AUTS2: variants seen among roughly 807,000 people sequenced by gnomAD.
The protein encoded by AUTS2 is autism susceptibility gene 2 protein.
In AUTS2, 17 loss-of-function variants were observed where a neutral mutation model predicts 112.4. That is an observed-to-expected ratio of 0.15 (90% CI 0.10 to 0.23). The LOEUF (loss-of-function observed/expected upper bound fraction) is 0.23. Among genes scored for constraint, AUTS2 ranks in the 10% least tolerant of loss-of-function variants. The probability of loss-of-function intolerance (pLI) is 1.00; values close to 1 mark genes in which losing one functional copy is unlikely to be tolerated. For missense variants in AUTS2, 1,510 were observed against 1,701.6 expected (o/e 0.89, Z 1.98); for synonymous variants, 751 against 702.7 (o/e 1.07, Z -1.09).
At chr7:70,670,362 G>T (rs988170605) in intron 5 of AUTS2, among the ~76,000 whole-genome samples, 3 of 152,104 alleles carry the variant, frequency 2.0e-5, no homozygotes, top group Non-Finnish European at 4.4e-5. Context: ...TATTAGCCCC[G>T]ATCCTCATAT....
chr7:69,656,611 C>T (rs1396070441), intron 1 of AUTS2, among the ~76,000 whole-genome samples: 1 of 152,058 alleles, frequency 6.6e-6, no homozygotes, highest in African/African-American at 2.4e-5. Context: ...TGAGATGTAG[C>T]CTTGCTCCTC....
intron 1 of AUTS2, among the ~76,000 whole-genome samples, chr7:69,820,675 C>G (rs1790950314): frequency 6.6e-6 from 1 of 152,168 alleles, no homozygotes; most frequent in Non-Finnish European, 1.5e-5. Context: ...GAGCAGGGAT[C>G]ATCAAGGCAG....
intron 1 of AUTS2, among the ~76,000 whole-genome samples, chr7:69,612,898 A>G (rs188234597): frequency 1.5e-3 from 225 of 152,300 alleles, no homozygotes; most frequent in Middle Eastern, 6.8e-3. Flanking sequence ...CATAGTAGGT[A>G]CTCAGTCATT....
Position 69,722,576 on chromosome 7 carries a change from T to C in AUTS2, c.309+122614T>C, listed in dbSNP as rs562839395. ...GTCTTGAACTCCTGGGCTCGAGTGA[T>C]CCGCCTGCCTTGTCCCCGCAAAGTG... is the stretch of plus-strand genomic sequence containing the variant. On this transcript the variant is annotated intron_variant, in intron 1 of 18. Transcript: ENST00000342771. Among the ~76,000 whole-genome samples, 6 of 152,250 alleles carry C rather than the reference T, an allele frequency of 3.9e-5. No individual in the cohort carries two copies. The South Asian group carries it at 1.2e-3, about 32-fold the overall frequency.
chr7:69,682,024 T>C (rs1796821892), intron 1 of AUTS2, among the ~76,000 whole-genome samples: 1 of 152,234 alleles, frequency 6.6e-6, no homozygotes, highest in African/African-American at 2.4e-5. Flanking sequence ...ATAATACGTT[T>C]GTGAGACTTA....
chr7:69,708,843 G>T (rs1317709258), intron 1 of AUTS2, among the ~76,000 whole-genome samples: 2 of 152,168 alleles, frequency 1.3e-5, no homozygotes, highest in African/African-American at 4.8e-5. Flanking sequence ...GAGAAAATCA[G>T]ATTATCTCTG....
At chr7:70,543,712 G>A (rs942931065) in intron 5 of AUTS2, among the ~76,000 whole-genome samples, 5 of 152,142 alleles carry the variant, frequency 3.3e-5, no homozygotes, top group African/African-American at 9.7e-5. Context: ...GGAGCCATGG[G>A]CCTCCTCCTG....
intron 5 of AUTS2, among the ~76,000 whole-genome samples, chr7:70,575,727 C>G (rs1802136384): frequency 6.6e-6 from 1 of 152,266 alleles, no homozygotes; most frequent in Non-Finnish European, 1.5e-5. Flanking sequence ...CTGTCAGTCC[C>G]ACTTTGGAAG....
At chr7:70,334,344 G>A (rs888054173) in intron 4 of AUTS2, among the ~76,000 whole-genome samples, 3 of 152,134 alleles carry the variant, frequency 2.0e-5, no homozygotes, top group Non-Finnish European at 4.4e-5. Flanking sequence ...ATTTGAGATG[G>A]TCCTGTGGTA....
chr7:70,666,384 G>A (rs1252303293), intron 5 of AUTS2, among the ~76,000 whole-genome samples: 1 of 152,224 alleles, frequency 6.6e-6, no homozygotes, highest in Non-Finnish European at 1.5e-5. Context: ...ATTCAAGGTG[G>A]TGTCCTGGAG....
At chr7:70,379,478 G>C (rs2129632255) in intron 4 of AUTS2, among the ~76,000 whole-genome samples, 1 of 151,608 alleles carries the variant, frequency 6.6e-6, no homozygotes, top group Admixed American at 6.6e-5. Context: ...CTCCACCCTG[G>C]GTGACAGAGC....
chr7:70,131,079 C>G (rs1400679919), intron 3 of AUTS2, among the ~76,000 whole-genome samples: 1 of 152,124 alleles, frequency 6.6e-6, no homozygotes, highest in Non-Finnish European at 1.5e-5. Context: ...ATTCTGTGGC[C>G]TCTTTTGCTA....
At chr7:70,574,283 A>G (rs933869535) in intron 5 of AUTS2, among the ~76,000 whole-genome samples, 3 of 152,194 alleles carry the variant, frequency 2.0e-5, no homozygotes, top group Non-Finnish European at 4.4e-5. Flanking sequence ...GTCTTTTTTA[A>G]AAAAAGCATT....
At chr7:69,970,296 G>T (rs999363889) in intron 2 of AUTS2, among the ~76,000 whole-genome samples, 1 of 152,086 alleles carries the variant, frequency 6.6e-6, no homozygotes, top group African/African-American at 2.4e-5. Flanking sequence ...TGTCCTATAA[G>T]TGATGATTCC....
intron 4 of AUTS2, among the ~76,000 whole-genome samples, chr7:70,306,341 A>G (rs1339942474): frequency 1.3e-5 from 2 of 152,202 alleles, no homozygotes; most frequent in African/African-American, 4.8e-5. Context: ...GGCTGTTTCA[A>G]CAGCTGGGCT....
intron 4 of AUTS2, among the ~76,000 whole-genome samples, chr7:70,286,095 G>A (rs574632250): frequency 6.6e-6 from 1 of 152,342 alleles, no homozygotes; most frequent in South Asian, 2.1e-4. Flanking sequence ...TCTGAAACAG[G>A]AAAGGACTTG....
In AUTS2 at chr7:70,787,258, T is replaced by C. The variant is rs767498776; in HGVS notation, c.2358T>C (p.Phe786=). The stretch of plus-strand genomic sequence containing the variant: ...AGGATGGCCCCAGTGTGCAGAACTT[T>C]AGCAACCCTCACGAACCCTGGAACC... ...GHKDGPSVQN[F]SNPHEPWNRL... The change falls in exon 18 of 19, where the codon TTT becomes TTC. Residue 786 remains phenylalanine, a synonymous_variant. Coordinates refer to ENST00000342771, the MANE Select transcript of AUTS2 (RefSeq NM_015570.4). 2 of 1,614,234 alleles carry C rather than the reference T, an allele frequency of 1.2e-6. No homozygotes were observed. The highest frequency in any genetic ancestry group is 1.3e-5 in the African/African-American group (1 of 75,064).
chr7:70,287,853 T>C (rs1788535438), intron 4 of AUTS2, among the ~76,000 whole-genome samples: 1 of 151,974 alleles, frequency 6.6e-6, no homozygotes, highest in Non-Finnish European at 1.5e-5. Context: ...CCAAAAAATG[T>C]TATGAAATGA....
intron 5 of AUTS2, among the ~76,000 whole-genome samples, chr7:70,588,649 A>G (rs188412594): frequency 5.1e-4 from 77 of 152,378 alleles, no homozygotes; most frequent in African/African-American, 1.8e-3. Flanking sequence ...TTGCCTTTCA[A>G]CAAGACTGAA....
Sources: allele counts gnomAD v4.1 joint callset (sites outside exome capture counted in the v4.1 genomes callset), GRCh38; gene constraint gnomAD v4.1.1; transcripts MANE v1.5; gene names NCBI Gene and HGNC (gene_info 2026-07-23, HGNC 2026-07-21).